Variants in LRRC7 observed in about 807,000 individuals in gnomAD.
LRRC7 encodes leucine rich repeat containing 7, also known as leucine-rich repeat-containing protein 7.
Under a neutral mutation model 175.7 loss-of-function variants are expected in LRRC7, and 23 were observed. The observed-to-expected ratio is 0.13, with a 90% CI of 0.09 to 0.19. The LOEUF is 0.19. Ranked by LOEUF, LRRC7 falls within the 10% of genes least tolerant of loss-of-function variation. The probability of loss-of-function intolerance (pLI) is 1.00; values close to 1 mark genes in which losing one functional copy is unlikely to be tolerated. For synonymous variants in LRRC7, 685 were observed against 680.9 expected, an observed-to-expected ratio of 1.01 and a Z score of -0.09; for missense variants, 1,354 against 1,904.7, an observed-to-expected ratio of 0.71 and a Z score of 5.38.
At chr1:69,760,694 T>C (rs1670944014) in intron 3 of LRRC7, among the ~76,000 whole-genome samples, 1 of 151,866 alleles carries the variant, frequency 6.6e-6, no homozygotes, top group African/African-American at 2.4e-5. Flanking sequence ...AGATCAATAG[T>C]TTATGTTTAG....
At position 70,089,963 on chromosome 1, in the gene LRRC7, G is replaced by A. The variant is rs147792912; in HGVS notation, c.4545+144G>A. 2.9e-4 allele frequency: 161 copies of A among 559,286 alleles called. No homozygotes were observed. The East Asian group carries it at 5.2e-3, about 18-fold the overall frequency. The allele number at this position is 559,286 out of a possible 1,614,324, so 34.6% of individuals were successfully genotyped here. On this transcript the variant is annotated intron_variant, in intron 25 of 26. Coordinates refer to ENST00000651989, the MANE Select transcript of LRRC7 (RefSeq NM_001370785.2). ...CTGAAGCCAATTAGAAACTTTTTCA[G>A]CACAGGGATAAAAGAATTTACTGCA...
At chr1:69,691,262 T>G (rs549006671) in intron 2 of LRRC7, among the ~76,000 whole-genome samples, 1 of 152,214 alleles carries the variant, frequency 6.6e-6, no homozygotes, top group African/African-American at 2.4e-5. Flanking sequence ...ATAGGGATGG[T>G]TTCAGGACCT....
At chr1:69,792,551 T>A (rs1461024471) in intron 4 of LRRC7, among the ~76,000 whole-genome samples, 1 of 152,046 alleles carries the variant, frequency 6.6e-6, no homozygotes, top group Non-Finnish European at 1.5e-5. Flanking sequence ...TAATTTCCCT[T>A]ACTGGGCTTC....
At chr1:69,910,171 A>G (rs1023386871) in intron 7 of LRRC7, among the ~76,000 whole-genome samples, 2 of 150,844 alleles carry the variant, frequency 1.3e-5, no homozygotes, top group African/African-American at 2.4e-5. Flanking sequence ...TATCCATTCT[A>G]GTTATCTCTC....
chr1:70,079,139 T>C (rs17131186), intron 24 of LRRC7, among the ~76,000 whole-genome samples: 11,984 of 152,256 alleles, frequency 0.079, 578 homozygotes, highest in South Asian at 0.18. Context: ...AGAAGACTTT[T>C]ATTCCAAATT....
rs148264511 is a variant in LRRC7, at chr1:69,870,706, T to G, written c.647+32423T>G. Among the ~76,000 whole-genome samples the G allele has an allele frequency of 3.9e-3, 598 of 152,218 alleles. 3 individuals are homozygous for G. Among genetic ancestry groups the G allele is most frequent in the African/African-American group, 0.013 (554 of 41,536 alleles). ...GAGAAATAAAGACCCAAATTATAAG[T>G]TAGCTCTTAAAATTATTTCTTGAAT... On this transcript the variant is annotated intron_variant, in intron 7 of 26. Transcript: ENST00000651989.
At chr1:69,602,557 T>C (rs1055271864) in intron 1 of LRRC7, among the ~76,000 whole-genome samples, 52 of 150,926 alleles carry the variant, frequency 3.4e-4, no homozygotes, top group African/African-American at 1.1e-3. Context: ...TATGCTATCA[T>C]GGTATTTAGT....
intron 7 of LRRC7, among the ~76,000 whole-genome samples, chr1:69,882,934 G>T (rs1686784909): frequency 6.6e-6 from 1 of 152,012 alleles, no homozygotes; most frequent in Non-Finnish European, 1.5e-5. Flanking sequence ...CCCTACAAAG[G>T]ACATGAACTT....
intron 7 of LRRC7, among the ~76,000 whole-genome samples, chr1:69,869,123 T>C (rs1685250266): frequency 6.6e-6 from 1 of 151,590 alleles, no homozygotes; most frequent in Admixed American, 6.6e-5. Flanking sequence ...CAACGGGGAG[T>C]GATGTGGTTA....
At chr1:69,882,129 G>A (rs1686683404) in intron 7 of LRRC7, among the ~76,000 whole-genome samples, 1 of 151,806 alleles carries the variant, frequency 6.6e-6, no homozygotes, top group Non-Finnish European at 1.5e-5. Context: ...ATGAGAAGAT[G>A]TTCAACATCA....
chr1:69,726,354 T>C lies in LRRC7; in HGVS notation c.101-33837T>C, dbSNP rs79275781. On this transcript the variant is annotated intron_variant, in intron 2 of 26. Transcript: ENST00000651989. ...AAATTTTATCACCATAATAAACCTC[T>C]ATAGAGTTATAGGCTTATTAGATAG... Among the ~76,000 whole-genome samples the C allele has an allele frequency of 6.2e-3, 951 of 152,278 alleles. 3 individuals carry two copies. The highest frequency in any genetic ancestry group is 0.022 in the African/African-American group (900 of 41,552).
At chr1:69,867,856 G>A (rs1217353564) in intron 7 of LRRC7, among the ~76,000 whole-genome samples, 1 of 152,082 alleles carries the variant, frequency 6.6e-6, no homozygotes, top group Non-Finnish European at 1.5e-5. Context: ...TAGAGGATAG[G>A]ACAGGTACTA....
At chr1:70,015,788 A>G (rs988409627) in intron 13 of LRRC7, among the ~76,000 whole-genome samples, 4 of 152,176 alleles carry the variant, frequency 2.6e-5, no homozygotes, top group African/African-American at 9.6e-5. Flanking sequence ...TCTACTACAC[A>G]TTGCATGAAG....
At chr1:69,724,490 T>A (rs757292067) in intron 2 of LRRC7, among the ~76,000 whole-genome samples, 1 of 152,238 alleles carries the variant, frequency 6.6e-6, no homozygotes, top group Admixed American at 6.5e-5. Context: ...TTGCTTATGA[T>A]AATTATTTGA....
intron 8 of LRRC7, among the ~76,000 whole-genome samples, chr1:69,943,859 A>G (rs1404647387): frequency 6.6e-6 from 1 of 152,012 alleles, no homozygotes; most frequent in Non-Finnish European, 1.5e-5. Context: ...TTGAGACCTA[A>G]GCAACTTAAA....
At chr1:70,047,803 C>T (rs987451396) in intron 22 of LRRC7, among the ~76,000 whole-genome samples, 20 of 151,730 alleles carry the variant, frequency 1.3e-4, no homozygotes, top group Non-Finnish European at 2.2e-4. Flanking sequence ...AAAATGCCAA[C>T]AAATATAACA....
intron 1 of LRRC7, among the ~76,000 whole-genome samples, chr1:69,635,125 T>C (rs1285129244): frequency 3.3e-5 from 5 of 152,036 alleles, no homozygotes; most frequent in Admixed American, 1.3e-4. Flanking sequence ...CCCCTCTATG[T>C]GTCCTTGTGC....
intron 7 of LRRC7, among the ~76,000 whole-genome samples, chr1:69,841,474 G>T (rs1681721679): frequency 6.6e-6 from 1 of 152,008 alleles, no homozygotes; most frequent in Non-Finnish European, 1.5e-5. Flanking sequence ...CCATTGTAGA[G>T]GTTCCTACCA....
chr1:69,652,370 A>G (rs1655976534), intron 1 of LRRC7, among the ~76,000 whole-genome samples: 2 of 152,228 alleles, frequency 1.3e-5, no homozygotes, highest in South Asian at 4.1e-4. Flanking sequence ...AAAGGAAATT[A>G]AGAAACTAAT....
Sources: gnomAD v4.1 joint callset for allele counts (sites outside exome capture counted in the v4.1 genomes callset) on GRCh38, gnomAD v4.1.1 for gene constraint, MANE v1.5 for transcripts, NCBI Gene and HGNC (gene_info 2026-07-23, HGNC 2026-07-21) for gene names.